TMPRSS15: variants seen among roughly 807,000 people sequenced by gnomAD.
TMPRSS15 encodes enteropeptidase.
A neutral mutation model predicts 125.3 loss-of-function variants in TMPRSS15; 128 were observed. The ratio of observed to expected loss-of-function variants is 1.02; its 90% CI spans 0.89 to 1.18. The LOEUF is 1.18. TMPRSS15 is among the 50% of genes most tolerant of loss of function. The pLI is 0.00. For synonymous variants in TMPRSS15, 446 were observed against 423.2 expected (o/e 1.05, Z -0.66); for missense variants, 1,283 against 1,212.7 (o/e 1.06, Z -0.86).
intron 1 of TMPRSS15, among the ~76,000 whole-genome samples, chr21:18,413,374 T>G (rs186398326): frequency 7.0e-6 from 1 of 142,958 alleles, no homozygotes; most frequent in East Asian, 2.1e-4. Flanking sequence ...CCTTCCTTCC[T>G]TCCTTTCTTT....
chr21:18,335,583 A>G lies in TMPRSS15; in HGVS notation c.1565-3410T>C, dbSNP rs184257991. 5.9e-5 allele frequency among the ~76,000 whole-genome samples: 9 copies of G among 152,342 alleles called. No individual in the cohort carries two copies. The East Asian group carries it at 1.7e-3, about 29-fold the overall frequency. ...CTTGGAAAATGCATCCCTTTAAAAT[A>G]CTTAAGTACTTTTTGAAATGCATTT... On this transcript the variant is annotated intron_variant, in intron 13 of 24. Transcript: ENST00000284885.
chr21:18,466,234 T>G (rs1204688900), intron 1 of TMPRSS15, among the ~76,000 whole-genome samples: 1 of 152,134 alleles, frequency 6.6e-6, no homozygotes, highest in African/African-American at 2.4e-5. Context: ...ACTGGATCCC[T>G]TCCTTACACC....
intron 1 of TMPRSS15, among the ~76,000 whole-genome samples, chr21:18,428,467 C>G (rs1455908332): frequency 6.6e-6 from 1 of 152,166 alleles, no homozygotes; most frequent in African/African-American, 2.4e-5. Context: ...TTCATGACAG[C>G]CCCTCCCACC....
upstream of TMPRSS15, among the ~76,000 whole-genome samples, chr21:18,405,522 A>G (rs1056689436): frequency 1.3e-5 from 2 of 152,208 alleles, no homozygotes; most frequent in African/African-American, 4.8e-5. Flanking sequence ...AAGCTGTGAT[A>G]TAAAGAGAGT....
At chr21:18,424,081 C>T (rs368438851) in intron 1 of TMPRSS15, among the ~76,000 whole-genome samples, 5 of 152,102 alleles carry the variant, frequency 3.3e-5, no homozygotes, top group East Asian at 1.9e-4. Flanking sequence ...TGCTTTCACA[C>T]GGTCTCAAAA....
intron 1 of TMPRSS15, among the ~76,000 whole-genome samples, chr21:18,409,903 T>TTCCC (rs1163794245): frequency 3.8e-4 from 43 of 113,428 alleles, no homozygotes; most frequent in African/African-American, 1.4e-3. Context: ...TCCTTCCTTC[T>TTCCC]TCCCTCCCTC....
chr21:18,379,477 TA>T (rs949596730), intron 4 of TMPRSS15, among the ~76,000 whole-genome samples, 159 bp from the exon 5 acceptor site: 1 of 152,132 alleles, frequency 6.6e-6, no homozygotes, highest in Non-Finnish European at 1.5e-5. Flanking sequence ...TATTTGGATT[TA>T]AAAATAAATC....
intron 1 of TMPRSS15, among the ~76,000 whole-genome samples, chr21:18,413,324 C>CTTCCTTCT: frequency 8.5e-6 from 1 of 117,604 alleles, no homozygotes; most frequent in Non-Finnish European, 1.7e-5. Context: ...TCCTTCCTTC[C>CTTCCTTCT]TTCCTTCCTT....
At chr21:18,284,247 C>T (rs928825522) in intron 21 of TMPRSS15, among the ~76,000 whole-genome samples, 2 of 152,184 alleles carry the variant, frequency 1.3e-5, no homozygotes, top group African/African-American at 4.8e-5. Flanking sequence ...AACACTAGCA[C>T]AAGCACCACC....
chr21:18,341,494 T>C lies in TMPRSS15; in HGVS notation c.1483A>G (p.Ile495Val), dbSNP rs140560081. 7 of 1,614,068 alleles carry C rather than the reference T, an allele frequency of 4.3e-6. No individual in the cohort carries two copies. Among genetic ancestry groups the C allele is most frequent in the Non-Finnish European group, 5.1e-6 (6 of 1,180,008 alleles). Residue 495 changes from isoleucine (I) to valine (V), a missense_variant, in exon 13 of 25, where the codon ATT (isoleucine) becomes GTT (valine). Coordinates refer to ENST00000284885, the MANE Select transcript of TMPRSS15 (RefSeq NM_002772.3). Reference protein sequence around the residue: ...KILSDIALDDISLTYGICNGS... With the variant: ...KILSDIALDDVSLTYGICNGS... ...TTGCAAATCCCATATGTTAGGCTAATGTCATCCAACGCAATATCACTCAGG... is the reference window on the plus strand; with the variant it reads ...TTGCAAATCCCATATGTTAGGCTAACGTCATCCAACGCAATATCACTCAGG...
At chr21:18,315,065 G>A in intron 17 of TMPRSS15, 81 bp downstream of exon 17, 2 of 1,136,550 alleles carry the variant, frequency 1.8e-6, no homozygotes, top group Non-Finnish European at 2.6e-6. Flanking sequence ...AATAGACACA[G>A]TTATAATCTT....
At chr21:18,376,766 TCTC>T (rs929296439) in intron 5 of TMPRSS15, among the ~76,000 whole-genome samples, 3 of 152,126 alleles carry the variant, frequency 2.0e-5, no homozygotes, top group African/African-American at 7.2e-5. Context: ...TTCCAGTCCT[TCTC>T]CTCTAGTGTT....
chr21:18,295,151 T>C (rs761658082), intron 19 of TMPRSS15, among the ~76,000 whole-genome samples: 3 of 152,148 alleles, frequency 2.0e-5, no homozygotes, highest in African/African-American at 4.8e-5. Context: ...ATTCAGGGAA[T>C]TGAATGATGA....
intron 23 of TMPRSS15, 40 bp downstream of exon 23, chr21:18,278,924 G>GTTTGTTTGT: frequency 2.3e-6 from 1 of 438,020 alleles, no homozygotes; most frequent in East Asian, 6.2e-5. Flanking sequence ...CACCAGTAAG[G>GTTTGTTTGT]TTTTTTTTTT....
At chr21:18,395,791 G>A (rs1313084183) in intron 3 of TMPRSS15, among the ~76,000 whole-genome samples, 2 of 152,122 alleles carry the variant, frequency 1.3e-5, no homozygotes. Flanking sequence ...CAGACTGTCA[G>A]CTGCACAAAA....
intron 24 of TMPRSS15, 142 bp downstream of exon 24, chr21:18,275,055 G>T: frequency 9.0e-7 from 1 of 1,110,834 alleles, no homozygotes; most frequent in South Asian, 1.3e-5. Flanking sequence ...AGAGGATTAC[G>T]CAAATAGGCA....
rs761371509 is a variant in TMPRSS15, at chr21:18,294,427, C to T, written c.2329G>A (p.Ala777Thr). 6.2e-7 allele frequency: 1 copy of T among 1,614,088 alleles called. No individual in the cohort carries two copies. The highest frequency in any genetic ancestry group is 1.3e-5 in the African/African-American group (1 of 74,922). ...ATCTTTGGGGTGATGTCTTGAGCTG[C>T]CAGTTTTTTTCCACAAGCTATTAAA... is the stretch of plus-strand genomic sequence containing the variant. ...CNHKSCGKKL[A>T]AQDITPKIVG... The change falls in exon 21 of 25, where the codon GCA becomes ACA. Residue 777 changes from alanine to threonine, a missense_variant. Physicochemically the swap from Ala to Thr is moderately conservative, Grantham distance 58 (BLOSUM62 0). Coordinates refer to ENST00000284885, the MANE Select transcript of TMPRSS15 (RefSeq NM_002772.3).
chr21:18,459,399 G>A (rs1229984793), intron 1 of TMPRSS15, among the ~76,000 whole-genome samples: 1 of 151,778 alleles, frequency 6.6e-6, no homozygotes, highest in Non-Finnish European at 1.5e-5. Flanking sequence ...TCAGCCTCTC[G>A]AGTAGCTGGG....
chr21:18,365,743 CTT>C (rs36165986), intron 6 of TMPRSS15, among the ~76,000 whole-genome samples: 7 of 83,864 alleles, frequency 8.3e-5, no homozygotes, highest in African/African-American at 2.4e-4. Flanking sequence ...CTCTTTTTTC[CTT>C]TTTTTTTTTT....
Sources: allele counts gnomAD v4.1 joint callset (sites outside exome capture counted in the v4.1 genomes callset), GRCh38; gene constraint gnomAD v4.1.1; transcripts MANE v1.5; gene names NCBI Gene and HGNC (gene_info 2026-07-23, HGNC 2026-07-21).